Variants in AK7 observed in about 807,000 individuals in gnomAD.
AK7 encodes the protein ATP-AMP transphosphorylase 7.
A neutral mutation model predicts 96.6 loss-of-function variants in AK7; 78 were observed. The observed-to-expected ratio is 0.81, with a 90% CI of 0.67 to 0.97. AK7 has a LOEUF of 0.97. Among genes scored for constraint, AK7 ranks in the 50% least tolerant of loss-of-function variants. The pLI is 0.00. For missense variants in AK7, 855 were observed against 887.9 expected (o/e 0.96, Z 0.47); for synonymous variants, 302 against 317.2 (o/e 0.95, Z 0.51).
intron 12 of AK7, among the ~76,000 whole-genome samples, chr14:96,459,941 C>T (rs941770264): frequency 3.3e-5 from 5 of 152,072 alleles, no homozygotes; most frequent in Admixed American, 6.6e-5. Context: ...TACAGGAAGA[C>T]GTAGAAATAA....
chr14:96,465,068 C>A (rs1436787245), intron 12 of AK7, among the ~76,000 whole-genome samples: 3 of 152,174 alleles, frequency 2.0e-5, no homozygotes, highest in African/African-American at 7.2e-5. Flanking sequence ...TTTGTACAGG[C>A]AATAATTAAA....
At chr14:96,393,221 C>G (rs1889860082) in intron 1 of AK7, among the ~76,000 whole-genome samples, 1 of 152,204 alleles carries the variant, frequency 6.6e-6, no homozygotes, top group Non-Finnish European at 1.5e-5. Flanking sequence ...TAGGACCCGT[C>G]CATCTGAATT....
chr14:96,459,071 C>G (rs1894111805), intron 12 of AK7, among the ~76,000 whole-genome samples: 1 of 152,096 alleles, frequency 6.6e-6, no homozygotes, highest in Admixed American at 6.6e-5. Context: ...TGCCCGGTGG[C>G]TCACACCTGT....
chr14:96,434,120 T>C (rs1892507290), intron 5 of AK7, among the ~76,000 whole-genome samples: 1 of 152,194 alleles, frequency 6.6e-6, no homozygotes, highest in Admixed American at 6.5e-5. Context: ...CTAGTTGACG[T>C]TCTTCAGTAT....
intron 2 of AK7, among the ~76,000 whole-genome samples, chr14:96,401,159 C>A (rs933540517): frequency 6.6e-6 from 1 of 152,160 alleles, no homozygotes; most frequent in Non-Finnish European, 1.5e-5. Flanking sequence ...TTCCTGTGCA[C>A]CCTAATGATC....
intron 4 of AK7, among the ~76,000 whole-genome samples, chr14:96,414,386 C>A (rs756756211): frequency 6.6e-6 from 1 of 152,214 alleles, no homozygotes; most frequent in Non-Finnish European, 1.5e-5. Flanking sequence ...TAACTGCATC[C>A]AGGAAATCAG....
At chr14:96,462,716 G>T (rs1355034657) in intron 12 of AK7, among the ~76,000 whole-genome samples, 1 of 152,186 alleles carries the variant, frequency 6.6e-6, no homozygotes, top group African/African-American at 2.4e-5. Context: ...AGAAAAGTCT[G>T]TAAATGTACC....
At chr14:96,410,620 C>T (rs768199837) in intron 4 of AK7, among the ~76,000 whole-genome samples, 15 of 152,236 alleles carry the variant, frequency 9.9e-5, no homozygotes, top group Non-Finnish European at 1.9e-4. Context: ...AGCTCCTGTC[C>T]TTGTGGCATG....
chr14:96,409,352 A>C (rs1454655236), intron 4 of AK7, among the ~76,000 whole-genome samples: 1 of 152,190 alleles, frequency 6.6e-6, no homozygotes, highest in African/African-American at 2.4e-5. Flanking sequence ...CGGGTGGACC[A>C]TCTGAGGTCA....
At chr14:96,396,948 T>C (rs1473576351) in intron 1 of AK7, among the ~76,000 whole-genome samples, 1 of 152,136 alleles carries the variant, frequency 6.6e-6, no homozygotes, top group Non-Finnish European at 1.5e-5. Context: ...AAATAAAAAA[T>C]TAGCCAGGCG....
intron 2 of AK7, among the ~76,000 whole-genome samples, chr14:96,403,292 G>A (rs1890524496): frequency 1.3e-5 from 2 of 151,828 alleles, no homozygotes; most frequent in East Asian, 1.9e-4. Flanking sequence ...TATACAAGAC[G>A]AGGAACAGAT....
intron 9 of AK7, among the ~76,000 whole-genome samples, chr14:96,451,072 C>T (rs1481316852): frequency 1.3e-5 from 2 of 152,062 alleles, no homozygotes; most frequent in African/African-American, 2.4e-5. Context: ...CGGCACTCGG[C>T]GGGAATATTT....
At chr14:96,459,307 C>T (rs1894126418) in intron 12 of AK7, among the ~76,000 whole-genome samples, 1 of 151,362 alleles carries the variant, frequency 6.6e-6, no homozygotes, top group African/African-American at 2.4e-5. Flanking sequence ...CACTGCACTC[C>T]AGTCTGAGTG....
At chr14:96,436,644 AAAAC>A (rs572759417) in intron 5 of AK7, among the ~76,000 whole-genome samples, 19 of 152,108 alleles carry the variant, frequency 1.2e-4, no homozygotes, top group East Asian at 1.2e-3. Flanking sequence ...ACTCTGTCTC[AAAAC>A]AAACAAACAA....
At chr14:96,421,494 A>G (rs1297508371) in intron 5 of AK7, 4 of 152,108 alleles carry the variant, frequency 2.6e-5, no homozygotes, top group Admixed American at 1.3e-4. Flanking sequence ...GCCATCAGCC[A>G]CCAAAGCCTG....
At chr14:96,473,278 C>A (rs1894999535) in intron 14 of AK7, among the ~76,000 whole-genome samples, 1 of 150,842 alleles carries the variant, frequency 6.6e-6, no homozygotes, top group South Asian at 2.1e-4. Flanking sequence ...TCACGCCATT[C>A]TCCTGCCTCA....
intron 15 of AK7, among the ~76,000 whole-genome samples, chr14:96,480,765 T>C (rs1399254073): frequency 6.6e-6 from 1 of 152,046 alleles, no homozygotes; most frequent in Non-Finnish European, 1.5e-5. Context: ...TGAGTGGCCA[T>C]TGTGTTCCAT....
At chr14:96,409,980 G>T (rs1204479672) in intron 4 of AK7, among the ~76,000 whole-genome samples, 1 of 152,124 alleles carries the variant, frequency 6.6e-6, no homozygotes, top group Non-Finnish European at 1.5e-5. Context: ...AGCGATTCCT[G>T]GCTGACCACA....
chr14:96,408,745 C>T, intron 3 of AK7, 102 bp from the exon 4 acceptor site: 1 of 972,034 alleles, frequency 1.0e-6, no homozygotes, highest in Non-Finnish European at 1.6e-6. Context: ...GGTAACAGCA[C>T]CCTGGTGTTA....
Sources: gnomAD v4.1 joint callset for allele counts (sites outside exome capture counted in the v4.1 genomes callset) on GRCh38, gnomAD v4.1.1 for gene constraint, MANE v1.5 for transcripts, NCBI Gene and HGNC (gene_info 2026-07-23, HGNC 2026-07-21) for gene names.